Variants in DOCK6 observed in about 807,000 individuals in gnomAD.
DOCK6 encodes dedicator of cytokinesis protein 6.
In DOCK6, 167 loss-of-function variants were observed where a neutral mutation model predicts 230.3. That is an observed-to-expected ratio of 0.73 (90% confidence interval 0.64 to 0.82). DOCK6 has a LOEUF of 0.82. Ranked by LOEUF, DOCK6 falls within the 40% of genes least tolerant of loss-of-function variation. The pLI is 0.00. For synonymous variants in DOCK6, 1,148 were observed against 1,185.0 expected, an observed-to-expected ratio of 0.97 and a Z score of 0.64; for missense variants, 2,598 against 2,825.8, an observed-to-expected ratio of 0.92 and a Z score of 1.83.
rs779138084 is a variant in DOCK6, at chr19:11,215,889, G to T, written c.3933C>A (p.Phe1311Leu). ...KAFERINSLT[F>L]KKSLDMKARL... ...GCGCCTTCATATCCAGAGATTTTTTGAATGTGAGGCTGTTGATGCGTTCAA... is the reference window on the plus strand; with the variant it reads ...GCGCCTTCATATCCAGAGATTTTTTTAATGTGAGGCTGTTGATGCGTTCAA... The change falls in exon 31 of 48, where the codon TTC (phenylalanine) becomes TTA (leucine). Residue 1311 changes from phenylalanine to leucine, a missense_variant. Coordinates refer to ENST00000294618, the MANE Select transcript of DOCK6 (RefSeq NM_020812.4). 23 of 1,613,696 alleles carry T rather than the reference G, an allele frequency of 1.4e-5. No individual in the cohort carries two copies. Among genetic ancestry groups the T allele is most frequent in the African/African-American group, 2.7e-5 (2 of 74,882 alleles).
At chr19:11,215,727 CT>C in intron 31 of DOCK6, 73 bp downstream of exon 31, 2 of 1,604,968 alleles carry the variant, frequency 1.2e-6, no homozygotes, top group South Asian at 2.2e-5. Context: ...GGATGGCCCC[CT>C]TCATGGGGTC....
Position 11,245,828 on chromosome 19 carries a change from A to C in DOCK6, c.857T>G (p.Val286Gly). The change falls in exon 8 of 48, where the codon GTG becomes GGG. Residue 286 changes from valine (V) to glycine (G), a missense_variant. Physicochemically the swap from Val to Gly is moderately radical, Grantham distance 109 (BLOSUM62 -3). Coordinates refer to ENST00000294618, the MANE Select transcript of DOCK6 (RefSeq NM_020812.4). ...PIFGILALYDVREKKKISENF... is the reference protein window; with the variant it reads ...PIFGILALYDGREKKKISENF... ...GCCTCCTACCTTCTTTTTCTCCCGC[A>C]CATCATACAGAGCCAAGATCCCAAA... is the stretch of plus-strand genomic sequence containing the variant. 4 of 1,573,690 alleles carry C rather than the reference A, an allele frequency of 2.5e-6. No individual in the cohort carries two copies. The highest frequency in any genetic ancestry group is 3.5e-6 in the Non-Finnish European group (4 of 1,159,166).
chr19:11,253,582 C>T, intron 2 of DOCK6, 57 bp downstream of exon 2: 1 of 1,184,798 alleles, frequency 8.4e-7, no homozygotes, highest in South Asian at 2.1e-5. Context: ...CCAAGGAAGC[C>T]CCTACCTCTG....
rs1375754503 is a variant in DOCK6, at chr19:11,224,740, G to C, written c.2956-1634C>G. Among the ~76,000 whole-genome samples the C allele has an allele frequency of 4.6e-5, 7 of 152,212 alleles. No homozygotes were observed. In the South Asian group the frequency reaches 1.0e-3, roughly 23 times the overall value. On this transcript the variant is annotated intron_variant, in intron 24 of 47. Transcript: ENST00000294618. ...TCATACTCTCTTGAGCCACTCTGAG[G>C]CCTCACAAGTTAGCCTCAGTGGCCC...
rs1347598031 is a variant in DOCK6 at position 11,212,041 on chromosome 19, G to A, written c.4602C>T (p.Thr1534=). The change falls in exon 36 of 48, where the codon ACC becomes ACT. Residue 1534 remains threonine (T), a synonymous_variant. Transcript: ENST00000294618. ...HLRRSLKTIL[T]YAEEDMGLRD... is the part of the protein sequence containing the mutation. ...GCAGCCCCATGTCCTCCTCAGCATAGGTGAGGATGGTTTTGAGTGAACGTC... is the reference window on the plus strand; with the variant it reads ...GCAGCCCCATGTCCTCCTCAGCATAAGTGAGGATGGTTTTGAGTGAACGTC... 1.2e-6 allele frequency: 2 copies of A among 1,610,506 alleles called. No homozygotes were observed. Among genetic ancestry groups the A allele is most frequent in the Non-Finnish European group, 1.7e-6 (2 of 1,178,824 alleles).
intron 1 of DOCK6, among the ~76,000 whole-genome samples, chr19:11,257,482 TAAAAAAA>T (rs35933920): frequency 3.8e-5 from 3 of 78,604 alleles, no homozygotes; most frequent in African/African-American, 5.0e-5. Flanking sequence ...CACTGTCTCT[TAAAAAAA>T]AAAAAAAAAA....
chr19:11,235,790 G>A (rs1447846106), intron 20 of DOCK6, 31 bp from the exon 21 acceptor site: 5 of 1,555,748 alleles, frequency 3.2e-6, no homozygotes, highest in African/African-American at 1.4e-5. Context: ...CAAGTTCCAG[G>A]GCCCAAGGCC....
In DOCK6 at chr19:11,227,349, G is replaced by A. The variant is rs764801112; in HGVS notation, c.2943C>T (p.Thr981=). 8 of 1,613,874 alleles carry A rather than the reference G, an allele frequency of 5.0e-6. No individual in the cohort carries two copies. The highest frequency in any genetic ancestry group is 1.6e-4 in the Middle Eastern group (1 of 6,062). Residue 981 remains threonine, a synonymous_variant, in exon 24 of 48, where the codon ACC becomes ACT. Coordinates refer to ENST00000294618, the MANE Select transcript of DOCK6 (RefSeq NM_020812.4). ...LVGSVGLEVI[T]RVHKDVELAE... is the part of the protein sequence containing the mutation. ...CTGCATCTCTCACCTTGTGGACACG[G>A]GTGATGACCTCCAGGCCCACAGAGC...
Position 11,202,016 on chromosome 19 carries a change from G to A in DOCK6, c.5561C>T (p.Thr1854Met), listed in dbSNP as rs777898007. The A allele has an allele frequency of 1.7e-5, 28 of 1,613,936 alleles. No individual in the cohort carries two copies. The highest frequency in any genetic ancestry group is 2.2e-5 in the East Asian group (1 of 44,894). Residue 1854 changes from threonine to methionine, a missense_variant, in exon 44 of 48, where the codon ACG becomes ATG. Transcript: ENST00000294618. This position sits in a 1 kb window ranked among gnomAD's most constrained non-coding sequence, Gnocchi z 5.3. ...TGCGCGCCCATCCGGCGTGAACGGC[G>A]TGCAGAACAGGAATGTGCGAAGCCC... ...NYGLRTFLFC[T>M]PFTPDGRAHG... is the part of the protein sequence containing the mutation.
At chr19:11,218,044 G>A (rs1188309883) in intron 28 of DOCK6, among the ~76,000 whole-genome samples, 1 of 151,858 alleles carries the variant, frequency 6.6e-6, no homozygotes, top group Non-Finnish European at 1.5e-5. Context: ...TAGAGACGGG[G>A]TTTCACCATG....
rs748525735 is a variant in DOCK6, at chr19:11,202,510, C to T, written c.5362-27G>A. On this transcript the variant is annotated intron_variant, in intron 42 of 47. Transcript: ENST00000294618. This position sits in a 1 kb window ranked among gnomAD's most constrained non-coding sequence, Gnocchi z 5.3. ...TGGAGACACAGGGCTGACTCGGGGC[C>T]ACCCAGGGACAGCCCCTACTCCAGC... The T allele has an allele frequency of 6.2e-7, 1 of 1,613,166 alleles. No homozygotes were observed. Among genetic ancestry groups the T allele is most frequent in the East Asian group, 2.2e-5 (1 of 44,864 alleles).
At chr19:11,238,474 A>G (rs1165627698) in intron 14 of DOCK6, 170 bp from the exon 15 acceptor site, 4 of 625,792 alleles carry the variant, frequency 6.4e-6, no homozygotes, top group Non-Finnish European at 8.6e-6. Context: ...ATCAGTCAGG[A>G]GATAGGACAG....
intron 37 of DOCK6, among the ~76,000 whole-genome samples, chr19:11,211,030 T>TA (rs962024563): frequency 1.3e-5 from 2 of 151,508 alleles, no homozygotes; most frequent in African/African-American, 4.9e-5. Flanking sequence ...TCTTCCCACT[T>TA]ACCTGTCTCC....
rs778732186 is a variant in DOCK6, at chr19:11,202,448, AACG to A, written c.5394_5396del (p.Val1799del). 6.2e-7 allele frequency: 1 copy of A among 1,613,214 alleles called. No homozygotes were observed. The highest frequency in any genetic ancestry group is 8.5e-7 in the Non-Finnish European group (1 of 1,179,338). ...CAGGGTTAGAGTCTTTGATAATCTC[AACG>A]ACGTCGTCGCCAAATCTCTCCGTGT... is the stretch of plus-strand genomic sequence containing the variant. On this transcript the variant is annotated inframe_deletion, in exon 43 of 48. Transcript: ENST00000294618. The surrounding 1 kb of genome is among the most constrained non-coding windows in gnomAD (Gnocchi z 5.3).
chr19:11,252,886 G>C lies in DOCK6; in HGVS notation c.205C>G (p.Pro69Ala), dbSNP rs748767289. Reference protein sequence around the residue: ...VLLSRPPDAEPGPLRDLVEFP... With the variant: ...VLLSRPPDAEAGPLRDLVEFP... ...TCTACCAGGTCCCTGAGGGGCCCGG[G>C]CTCAGCATCTGGTGGCCGGCTCAGA... Residue 69 changes from proline (P) to alanine (A), a missense_variant, in exon 3 of 48, where the codon CCC (proline) becomes GCC (alanine). Coordinates refer to ENST00000294618, the MANE Select transcript of DOCK6 (RefSeq NM_020812.4). 6.2e-7 allele frequency: 1 copy of C among 1,613,780 alleles called. No individual in the cohort carries two copies. The highest frequency in any genetic ancestry group is 1.1e-5 in the South Asian group (1 of 91,060).
rs1191741724 is a variant in DOCK6, at chr19:11,243,965, C to A, written c.1024-83G>T. 2 of 1,431,148 alleles carry A rather than the reference C, an allele frequency of 1.4e-6. No homozygotes were observed. The highest frequency in any genetic ancestry group is 1.9e-6 in the Non-Finnish European group (2 of 1,037,982). The allele number at this position is 1,431,148 out of a possible 1,614,324, so 88.7% of individuals were successfully genotyped here. ...GCTGGCTCCCCAGCCTCCTGGACCC[C>A]TCATGGGCCCTCGGACACTCCTAAC... On this transcript the variant is annotated intron_variant, in intron 9 of 47. Coordinates refer to ENST00000294618, the MANE Select transcript of DOCK6 (RefSeq NM_020812.4). The surrounding 1 kb of genome is among the most constrained non-coding windows in gnomAD (Gnocchi z 6.3).
Position 11,222,785 on chromosome 19 carries a change from G to C in DOCK6, c.3190C>G (p.Leu1064Val). Residue 1064 changes from leucine (L) to valine (V), a missense_variant, in exon 26 of 48, where the codon CTG (leucine) becomes GTG (valine). Transcript: ENST00000294618. This position sits in a 1 kb window ranked among gnomAD's most constrained non-coding sequence, Gnocchi z 4.0. ...YVTLNLPCCP[L>V]SPPASPSPSV... The stretch of plus-strand genomic sequence containing the variant: ...GGGGAGGGCGAGGCTGGAGGTGACA[G>C]GGGGCAGCAGGGGAGGTTGAGGGTC... 1.3e-6 allele frequency: 2 copies of C among 1,585,056 alleles called. No individual in the cohort carries two copies. The highest frequency in any genetic ancestry group is 1.7e-6 in the Non-Finnish European group (2 of 1,166,050).
intron 28 of DOCK6, chr19:11,221,650 T>G (rs1445469571): frequency 1.5e-6 from 1 of 665,298 alleles, no homozygotes; most frequent in African/African-American, 1.8e-5. Flanking sequence ...GTTGGTGTTG[T>G]TACTGTCTCC....
intron 1 of DOCK6, among the ~76,000 whole-genome samples, chr19:11,255,408 G>A (rs766426295): frequency 1.3e-5 from 2 of 150,874 alleles, no homozygotes; most frequent in South Asian, 2.1e-4. Context: ...AGGCTCAAGC[G>A]ATCCTCCTCC....
Sources: allele counts gnomAD v4.1 joint callset (sites outside exome capture counted in the v4.1 genomes callset), GRCh38; gene constraint gnomAD v4.1.1; non-coding constraint Gnocchi (gnomAD v3.1); transcripts MANE v1.5; gene names NCBI Gene and HGNC (gene_info 2026-07-23, HGNC 2026-07-21).